Variants in SLC25A21 observed in about 807,000 individuals in gnomAD.
SLC25A21 encodes solute carrier family 25 member 21, also known as mitochondrial 2-oxodicarboxylate carrier.
Under a neutral mutation model 43.8 loss-of-function variants are expected in SLC25A21, and 47 were observed. The observed-to-expected ratio is 1.07, with a 90% CI of 0.85 to 1.37. The LOEUF (loss-of-function observed/expected upper bound fraction) is 1.37, where lower values mean the gene tolerates loss of function less well. SLC25A21 is among the 40% of genes most tolerant of loss of function. SLC25A21 has a pLI of 0.00. For missense variants in SLC25A21, 352 were observed against 350.2 expected, an observed-to-expected ratio of 1.00 and a Z score of -0.04; for synonymous variants, 131 against 121.3, an observed-to-expected ratio of 1.08 and a Z score of -0.52.
At chr14:36,805,703 C>T (rs1413345802) in intron 3 of SLC25A21, among the ~76,000 whole-genome samples, 1 of 152,144 alleles carries the variant, frequency 6.6e-6, no homozygotes, top group East Asian at 1.9e-4. Context: ...TACCCTTCAT[C>T]CTTTAATTTT....
At chr14:37,159,676 T>C (rs1263088317) in intron 1 of SLC25A21, among the ~76,000 whole-genome samples, 1 of 152,100 alleles carries the variant, frequency 6.6e-6, no homozygotes, top group African/African-American at 2.4e-5. Context: ...AGCAAGGAAT[T>C]TATGACTAAT....
intron 2 of SLC25A21, among the ~76,000 whole-genome samples, chr14:36,844,410 C>T (rs1286360300): frequency 2.6e-5 from 4 of 152,210 alleles, no homozygotes; most frequent in Non-Finnish European, 4.4e-5. Context: ...TGAGTACCAG[C>T]AGTGCTAGCA....
chr14:36,755,269 C>T (rs997602063), intron 3 of SLC25A21, among the ~76,000 whole-genome samples: 1 of 152,208 alleles, frequency 6.6e-6, no homozygotes, highest in African/African-American at 2.4e-5. Flanking sequence ...GAAGAAGCAA[C>T]AGTGTGATAT....
chr14:36,875,156 C>A, intron 1 of SLC25A21, 152 bp from the exon 2 acceptor site: 3 of 513,374 alleles, frequency 5.8e-6, no homozygotes, highest in Non-Finnish European at 1.0e-5. Flanking sequence ...TGGCAAAAGA[C>A]AGAAGCATAA....
intron 1 of SLC25A21, among the ~76,000 whole-genome samples, chr14:37,137,395 C>A (rs1320621608): frequency 6.6e-6 from 1 of 152,092 alleles, no homozygotes; most frequent in Non-Finnish European, 1.5e-5. Context: ...AATTACATTT[C>A]TTTTCAAAAT....
chr14:36,692,572 A>T (rs979234092), intron 7 of SLC25A21, among the ~76,000 whole-genome samples: 6 of 152,192 alleles, frequency 3.9e-5, no homozygotes, highest in African/African-American at 1.4e-4. Context: ...AGCTTGATAA[A>T]CAGAAACATC....
chr14:36,834,140 T>C (rs986420979), intron 2 of SLC25A21, among the ~76,000 whole-genome samples: 2 of 152,130 alleles, frequency 1.3e-5, no homozygotes, highest in African/African-American at 2.4e-5. Context: ...CCTAAGAATA[T>C]AGTAAAAATA....
At chr14:36,731,097 C>G (rs901255035) in intron 4 of SLC25A21, among the ~76,000 whole-genome samples, 5 of 151,776 alleles carry the variant, frequency 3.3e-5, no homozygotes, top group Admixed American at 6.6e-5. Flanking sequence ...CTCAGCCTCC[C>G]GAGTAGCTGG....
intron 8 of SLC25A21, 111 bp from the exon 9 acceptor site, chr14:36,683,991 T>C (rs1882413400): frequency 1.5e-6 from 1 of 679,538 alleles, no homozygotes; most frequent in Non-Finnish European, 2.5e-6. Context: ...TATTTGGAAT[T>C]ACACACATCT....
At chr14:36,980,048 C>T (rs920099869) in intron 1 of SLC25A21, among the ~76,000 whole-genome samples, 1 of 152,214 alleles carries the variant, frequency 6.6e-6, no homozygotes, top group African/African-American at 2.4e-5. Context: ...CTTAAGGTCA[C>T]TGACATATTG....
At chr14:37,002,978 C>A (rs1424365595) in intron 1 of SLC25A21, among the ~76,000 whole-genome samples, 1 of 152,170 alleles carries the variant, frequency 6.6e-6, no homozygotes, top group Admixed American at 6.5e-5. Context: ...GTATACCCAA[C>A]AGAAACAGTC....
chr14:36,889,410 T>C (rs1891016712), intron 1 of SLC25A21, among the ~76,000 whole-genome samples: 1 of 152,238 alleles, frequency 6.6e-6, no homozygotes, highest in Admixed American at 6.5e-5. Flanking sequence ...GGTAGATACA[T>C]TTCATAACAT....
At chr14:36,846,237 C>T (rs1054090878) in intron 2 of SLC25A21, among the ~76,000 whole-genome samples, 1 of 152,110 alleles carries the variant, frequency 6.6e-6, no homozygotes, top group African/African-American at 2.4e-5. Context: ...TATGAGATAG[C>T]CTTGACTAAC....
intron 1 of SLC25A21, among the ~76,000 whole-genome samples, chr14:37,038,458 A>G (rs560945970): frequency 6.6e-6 from 1 of 152,340 alleles, no homozygotes; most frequent in East Asian, 1.9e-4. Flanking sequence ...CCAAATAAAA[A>G]CAGCAAAATG....
intron 3 of SLC25A21, among the ~76,000 whole-genome samples, chr14:36,736,226 T>C (rs1885035675): frequency 6.6e-6 from 1 of 152,226 alleles, no homozygotes; most frequent in Middle Eastern, 3.4e-3. Context: ...TGAGCCACCG[T>C]GCCCAGCCTG....
At chr14:36,902,057 T>G (rs1420024417) in intron 1 of SLC25A21, among the ~76,000 whole-genome samples, 1 of 152,214 alleles carries the variant, frequency 6.6e-6, no homozygotes, top group African/African-American at 2.4e-5. Context: ...CATAAAAATA[T>G]GATTAACTCT....
At chr14:37,048,115 T>A (rs1221705624) in intron 1 of SLC25A21, among the ~76,000 whole-genome samples, 1 of 152,188 alleles carries the variant, frequency 6.6e-6, no homozygotes. Context: ...TTGTTTACAA[T>A]GTTTGTGTAC....
intron 1 of SLC25A21, among the ~76,000 whole-genome samples, chr14:36,939,455 T>C (rs1432888225): frequency 6.6e-6 from 1 of 152,132 alleles, no homozygotes; most frequent in Non-Finnish European, 1.5e-5. Flanking sequence ...CAAATAAACA[T>C]GATTTATGTC....
At chr14:36,906,967 G>C (rs185664783) in intron 1 of SLC25A21, among the ~76,000 whole-genome samples, 54 of 152,276 alleles carry the variant, frequency 3.5e-4, no homozygotes, top group Admixed American at 3.1e-3. Context: ...TTACTTTCTA[G>C]AGGCCCAGAA....
Sources: allele counts gnomAD v4.1 joint callset (sites outside exome capture counted in the v4.1 genomes callset), GRCh38; gene constraint gnomAD v4.1.1; transcripts MANE v1.5; gene names NCBI Gene and HGNC (gene_info 2026-07-23, HGNC 2026-07-21).